Variants in ADAMTS15 observed in about 807,000 individuals in gnomAD.
ADAMTS15 encodes A disintegrin and metalloproteinase with thrombospondin motifs 15.
A neutral mutation model predicts 79.1 loss-of-function variants in ADAMTS15; 35 were observed. That is an observed-to-expected ratio of 0.44 (90% confidence interval 0.34 to 0.59). The LOEUF is 0.59. Ranked by LOEUF, ADAMTS15 falls within the 20% of genes least tolerant of loss-of-function variation. ADAMTS15 has a pLI of 0.02. For synonymous variants in ADAMTS15, 616 were observed against 567.3 expected (o/e 1.09, Z -1.22); for missense variants, 1,324 against 1,318.7 (o/e 1.00, Z -0.06).
rs1937895273 is a variant in ADAMTS15, at chr11:130,449,129, A to C, written c.156A>C (p.Gly52=). 1 of 1,594,228 alleles carries C rather than the reference A, an allele frequency of 6.3e-7. No individual in the cohort carries two copies. The highest frequency in any genetic ancestry group is 8.6e-7 in the Non-Finnish European group (1 of 1,166,796). Reference sequence around the variant, plus strand: ...GTCCCGAGGACTCCGGGGATCAGGGACTCATTTTTCAGATCACAGCATTTC... The same window carrying C: ...GTCCCGAGGACTCCGGGGATCAGGGCCTCATTTTTCAGATCACAGCATTTC... ...WRGPEDSGDQ[G]LIFQITAFQE... The change falls in exon 1 of 8, where the codon GGA becomes GGC. Residue 52 remains glycine, a synonymous_variant. Transcript: ENST00000299164. The surrounding 1 kb of genome is among the most constrained non-coding windows in gnomAD (Gnocchi z 7.8).
rs948789000 is a variant in ADAMTS15, at chr11:130,476,039, G to A, written c.*2218G>A. ...AAGCCAGGCCTCGGTGCTTTTATCT[G>A]TTGTGGTGGTTTTTCTTCTTTCCCT... is the stretch of plus-strand genomic sequence containing the variant. On this transcript the variant is annotated 3_prime_UTR_variant, in exon 8 of 8. Coordinates refer to ENST00000299164, the MANE Select transcript of ADAMTS15 (RefSeq NM_139055.4). 1 of 152,232 alleles carries A rather than the reference G, an allele frequency of 6.6e-6. No homozygotes were observed. The highest frequency in any genetic ancestry group is 1.5e-5 in the Non-Finnish European group (1 of 68,048). 9.4% of individuals were successfully genotyped at this position (152,232 alleles called of 1,614,324 possible). A position where few individuals can be genotyped will look rare whatever the true frequency, so the allele number is the denominator to read the frequency against.
At chr11:130,452,634 T>G (rs1937988888) in intron 1 of ADAMTS15, among the ~76,000 whole-genome samples, 1 of 152,234 alleles carries the variant, frequency 6.6e-6, no homozygotes, top group Admixed American at 6.5e-5. Context: ...TGTTGAGCAT[T>G]ACTTATTATT....
chr11:130,470,870 C>A, intron 5 of ADAMTS15, 50 bp from the exon 6 acceptor site: 1 of 1,568,878 alleles, frequency 6.4e-7, no homozygotes. Context: ...TCCTTTGCAC[C>A]GGCCTTGTCC....
rs1394938201 is a variant in ADAMTS15 at position 130,475,162 on chromosome 11, C to G, written c.*1341C>G. On this transcript the variant is annotated 3_prime_UTR_variant, in exon 8 of 8. Transcript: ENST00000299164. Reference sequence around the variant, plus strand: ...GCTTCCTGCTCCCCACAGCCCAGCCCCCTGTTGGGGCTCCAAAGCCGAAGA... The same window carrying G: ...GCTTCCTGCTCCCCACAGCCCAGCCGCCTGTTGGGGCTCCAAAGCCGAAGA... 6.6e-6 allele frequency: 1 copy of G among 152,314 alleles called. No homozygotes were observed. The highest frequency in any genetic ancestry group is 2.4e-5 in the African/African-American group (1 of 41,474). The allele number at this position is 152,314 out of a possible 1,614,324, so 9.4% of individuals were successfully genotyped here.
chr11:130,451,949 G>A (rs1760312020), intron 1 of ADAMTS15, among the ~76,000 whole-genome samples: 1 of 152,200 alleles, frequency 6.6e-6, no homozygotes, highest in African/African-American at 2.4e-5. Context: ...TTTAGAAGCT[G>A]CCTTCCCCTT....
At chr11:130,456,803 G>A (rs552760677) in intron 1 of ADAMTS15, among the ~76,000 whole-genome samples, 4 of 152,312 alleles carry the variant, frequency 2.6e-5, no homozygotes, top group South Asian at 2.1e-4. Flanking sequence ...TGAGAAGACA[G>A]CCCTGCAGTC....
At chr11:130,467,106 GT>G (rs1938316980) in intron 4 of ADAMTS15, among the ~76,000 whole-genome samples, 1 of 152,232 alleles carries the variant, frequency 6.6e-6, no homozygotes, top group South Asian at 2.1e-4. Context: ...CGGGAGCACA[GT>G]GAATGTTTTT....
intron 1 of ADAMTS15, among the ~76,000 whole-genome samples, chr11:130,460,623 T>C (rs11601847): frequency 0.24 from 37,243 of 152,110 alleles, 4,812 homozygotes; most frequent in South Asian, 0.37. Context: ...AAATGTCTTA[T>C]CCTATTTCCA....
intron 4 of ADAMTS15, among the ~76,000 whole-genome samples, chr11:130,468,154 G>GCCGGGGC (rs1938342126): frequency 6.6e-6 from 1 of 152,154 alleles, no homozygotes; most frequent in African/African-American, 2.4e-5. Context: ...CTGAACTTTT[G>GCCGGGGC]CCGGGGCCAG....
chr11:130,464,924 G>A (rs1461348019), intron 4 of ADAMTS15, among the ~76,000 whole-genome samples: 3 of 149,978 alleles, frequency 2.0e-5, no homozygotes, highest in Non-Finnish European at 4.4e-5. Flanking sequence ...CCATGATCAC[G>A]CCACTGCACT....
At position 130,449,596 on chromosome 11, in the gene ADAMTS15, G is replaced by C. The variant is rs1211342935; in HGVS notation, c.623G>C (p.Gly208Ala). 1.2e-6 allele frequency: 2 copies of C among 1,603,538 alleles called. No individual in the cohort carries two copies. Among genetic ancestry groups the C allele is most frequent in the Non-Finnish European group, 1.7e-6 (2 of 1,175,556 alleles). ...FGESRSRRRS[G>A]RAKRFVSIPR... is the part of the protein sequence containing the mutation. ...GAGAGTCGTAGCCGGCGCAGGTCTG[G>C]GCGCGCCAAGCGTTTCGTGTCTATC... is the stretch of plus-strand genomic sequence containing the variant. The change falls in exon 1 of 8, where the codon GGG becomes GCG. Residue 208 changes from glycine (G) to alanine (A), a missense_variant. Physicochemically the swap from Gly to Ala is moderately conservative, Grantham distance 60. Transcript: ENST00000299164. This position sits in a 1 kb window ranked among gnomAD's most constrained non-coding sequence, Gnocchi z 7.8.
In ADAMTS15 at chr11:130,461,516, A is replaced by T; in HGVS notation, c.985A>T (p.Thr329Ser). 1.2e-6 allele frequency: 2 copies of T among 1,614,034 alleles called. No homozygotes were observed. The highest frequency in any genetic ancestry group is 1.7e-6 in the Non-Finnish European group (2 of 1,180,014). Residue 329 changes from threonine (T) to serine (S), a missense_variant, in exon 2 of 8, where the codon ACC becomes TCC. Coordinates refer to ENST00000299164, the MANE Select transcript of ADAMTS15 (RefSeq NM_139055.4). ...QDLCGATTCD[T>S]LGMADVGTMC... ...CCTGTGTGGAGCCACCACCTGTGACACCCTGGGCATGGCTGATGTGGGTAC... is the reference window on the plus strand; with the variant it reads ...CCTGTGTGGAGCCACCACCTGTGACTCCCTGGGCATGGCTGATGTGGGTAC...
chr11:130,453,268 C>T (rs1938002056), intron 1 of ADAMTS15, among the ~76,000 whole-genome samples: 2 of 139,846 alleles, frequency 1.4e-5, no homozygotes, highest in African/African-American at 5.8e-5. Context: ...GACCTTTTCT[C>T]CTTTGGACTG....
intron 6 of ADAMTS15, 41 bp from the exon 7 acceptor site, chr11:130,471,167 G>T (rs759928821): frequency 6.3e-7 from 1 of 1,587,538 alleles, no homozygotes; most frequent in South Asian, 1.2e-5. Context: ...CAGCTGAGCT[G>T]CCCTGCTCTT....
chr11:130,473,003 G>A (rs1012730271), intron 7 of ADAMTS15, 44 bp from the exon 8 acceptor site: 3 of 1,600,342 alleles, frequency 1.9e-6, no homozygotes, highest in African/African-American at 2.7e-5. Context: ...AGGTCCTCAG[G>A]TCCAGGCTTC....
rs1938472817 is a variant in ADAMTS15, at chr11:130,472,156, A to G, written c.2078+773A>G. Among the ~76,000 whole-genome samples the G allele has an allele frequency of 6.6e-6, 1 of 152,220 alleles. No individual in the cohort carries two copies. The highest frequency in any genetic ancestry group is 2.4e-5 in the African/African-American group (1 of 41,468). ...AGGCAGGGCACCTGAGGTCCCAGTT[A>G]GGGGTGGAGGCTATGGTTGGCCTAG... On this transcript the variant is annotated intron_variant, in intron 7 of 7. Transcript: ENST00000299164. The surrounding 1 kb of genome is among the most constrained non-coding windows in gnomAD (Gnocchi z 4.7).
Position 130,473,864 on chromosome 11 carries a change from T to TA in ADAMTS15, c.*44dup, listed in dbSNP as rs1416943285. ...TCCCCCTCACTCTCCACCCCACTGA[T>TA]ATGCCAGCGTTCTGCCAGCTGGAGT... On this transcript the variant is annotated 3_prime_UTR_variant, in exon 8 of 8. Transcript: ENST00000299164. 1.3e-6 allele frequency: 2 copies of TA among 1,534,546 alleles called. No homozygotes were observed. The highest frequency in any genetic ancestry group is 1.7e-6 in the Non-Finnish European group (2 of 1,144,878).
In ADAMTS15 at chr11:130,449,855, C is replaced by G; in HGVS notation, c.882C>G (p.Ala294=). ...CCCTGACGCTGCGCAACTTCTGTGC[C>G]TGGCAGAAGAAGCTGAACAAAGTGA... The part of the protein sequence containing the change: ...NAALTLRNFC[A]WQKKLNKVSD... Residue 294 remains alanine (A), a synonymous_variant, in exon 1 of 8, where the codon GCC becomes GCG. Transcript: ENST00000299164. The surrounding 1 kb of genome is among the most constrained non-coding windows in gnomAD (Gnocchi z 7.8). The G allele has an allele frequency of 6.2e-7, 1 of 1,606,564 alleles. No individual in the cohort carries two copies. The highest frequency in any genetic ancestry group is 8.5e-7 in the Non-Finnish European group (1 of 1,180,000).
intron 4 of ADAMTS15, among the ~76,000 whole-genome samples, chr11:130,466,927 A>G (rs545129501): frequency 6.6e-6 from 1 of 152,018 alleles, no homozygotes; most frequent in South Asian, 2.1e-4. Context: ...GGCCCCCATA[A>G]TCCAGAGCAG....
Sources: allele counts gnomAD v4.1 joint callset (sites outside exome capture counted in the v4.1 genomes callset), GRCh38; gene constraint gnomAD v4.1.1; non-coding constraint Gnocchi (gnomAD v3.1); transcripts MANE v1.5; gene names NCBI Gene and HGNC (gene_info 2026-07-23, HGNC 2026-07-21).